Variants in SMURF1 observed in about 807,000 individuals in gnomAD.
SMURF1 encodes the protein E3 ubiquitin-protein ligase SMURF1.
Under a neutral mutation model 98.0 loss-of-function variants are expected in SMURF1, and 44 were observed. The observed-to-expected ratio is 0.45, with a 90% CI of 0.35 to 0.58. The LOEUF (loss-of-function observed/expected upper bound fraction) is 0.58. Among genes scored for constraint, SMURF1 ranks in the 20% least tolerant of loss-of-function variants. SMURF1 has a pLI of 0.00. For missense variants in SMURF1, 687 were observed against 938.4 expected (o/e 0.73, Z 3.50); for synonymous variants, 396 against 374.9 (o/e 1.06, Z -0.65).
intron 1 of SMURF1, chr7:99,120,496 CCT>C (rs957817285): frequency 6.6e-6 from 1 of 151,328 alleles, no homozygotes; most frequent in African/African-American, 2.4e-5. Context: ...ACCACCAAAT[CCT>C]CTCTCCTGAG....
At chr7:99,042,257 T>A in intron 11 of SMURF1, 25 bp from the exon 12 acceptor site, 1 of 1,508,744 alleles carries the variant, frequency 6.6e-7, no homozygotes, top group Non-Finnish European at 9.1e-7. Flanking sequence ...CAAAAATGCA[T>A]TTGAGACGCG....
intron 1 of SMURF1, among the ~76,000 whole-genome samples, chr7:99,136,160 G>T (rs1379656380): frequency 6.6e-6 from 1 of 152,190 alleles, no homozygotes; most frequent in African/African-American, 2.4e-5. Flanking sequence ...GTGTACTCTA[G>T]CCTAGCCTGG....
chr7:99,071,816 G>A (rs762702023), intron 1 of SMURF1, among the ~76,000 whole-genome samples: 1 of 152,082 alleles, frequency 6.6e-6, no homozygotes, highest in Non-Finnish European at 1.5e-5. Flanking sequence ...GCTCATGCCT[G>A]TAATCCCAGC....
At chr7:99,031,402 G>A (rs754291739) in intron 17 of SMURF1, 2 of 152,134 alleles carry the variant, frequency 1.3e-5, no homozygotes, top group African/African-American at 4.8e-5. Context: ...AGAAGCTATC[G>A]TAGCAAACCA....
intron 1 of SMURF1, among the ~76,000 whole-genome samples, chr7:99,087,316 T>C (rs910660059): frequency 6.6e-6 from 1 of 151,338 alleles, no homozygotes; most frequent in Non-Finnish European, 1.5e-5. Context: ...GCCCAGGAGG[T>C]CAAAGCTTCA....
chr7:99,133,359 C>T (rs552607674), intron 1 of SMURF1, among the ~76,000 whole-genome samples: 114 of 151,844 alleles, frequency 7.5e-4, no homozygotes, highest in African/African-American at 2.7e-3. Flanking sequence ...CTCCCATCTC[C>T]TGTGAATCTA....
intron 8 of SMURF1, chr7:99,050,682 A>T: frequency 2.5e-6 from 1 of 403,894 alleles, no homozygotes. Context: ...CACCTCATTC[A>T]TTTGCAGGTA....
chr7:99,099,503 G>A (rs1228448142), intron 1 of SMURF1, among the ~76,000 whole-genome samples: 1 of 152,102 alleles, frequency 6.6e-6, no homozygotes, highest in Admixed American at 6.5e-5. Flanking sequence ...CCAGGATAGG[G>A]GGGGAAATGC....
At position 99,122,750 on chromosome 7, in the gene SMURF1, T is replaced by C. The variant is rs1175578816; in HGVS notation, c.55+20976A>G. On this transcript the variant is annotated intron_variant, in intron 1 of 17. Coordinates refer to ENST00000361368, the MANE Select transcript of SMURF1 (RefSeq NM_181349.3). ...CAGGGCTTTTTTCTTTCTTTCTTTT[T>C]TTTTTTTTTTTTTTTTTTTACATAA... is the stretch of plus-strand genomic sequence containing the variant. 3.8e-4 allele frequency among the ~76,000 whole-genome samples: 49 copies of C among 130,096 alleles called. No individual in the cohort carries two copies. The East Asian group carries it at 7.7e-3, about 20-fold the overall frequency. 85.3% of individuals were successfully genotyped at this position (130,096 alleles called of 152,430 possible). A position where few individuals can be genotyped will look rare whatever the true frequency, so the allele number is the denominator to read the frequency against.
chr7:99,089,743 T>C (rs1189663874), intron 1 of SMURF1, among the ~76,000 whole-genome samples: 2 of 152,246 alleles, frequency 1.3e-5, no homozygotes, highest in African/African-American at 2.4e-5. Context: ...AAAATCATAT[T>C]GGAAAGTAAA....
In SMURF1 at chr7:99,047,914, G is replaced by A. The variant is rs373063036; in HGVS notation, c.954-32C>T. 3.9e-5 allele frequency: 62 copies of A among 1,606,310 alleles called. 1 individual carries two copies. Among genetic ancestry groups the A allele is most frequent in the South Asian group, 6.6e-5 (6 of 90,936 alleles). ...AAGAAGAGATGCAGAAAGTCACTCC[G>A]AAGCCCCGGCCAGGGGAGCTGCAAG... On this transcript the variant is annotated intron_variant, in intron 9 of 17. Transcript: ENST00000361368.
chr7:99,097,244 C>T (rs1327933864), intron 1 of SMURF1, among the ~76,000 whole-genome samples: 1 of 152,146 alleles, frequency 6.6e-6, no homozygotes, highest in Middle Eastern at 3.2e-3. Context: ...ATCATAAACT[C>T]TAACTTGAGC....
At chr7:99,038,872 T>G (rs780290261) in intron 13 of SMURF1, among the ~76,000 whole-genome samples, 6 of 152,024 alleles carry the variant, frequency 3.9e-5, no homozygotes, top group Non-Finnish European at 8.8e-5. Context: ...AAAGGGAAAT[T>G]GACCTGGAGA....
chr7:99,029,837 A>C lies in SMURF1; in HGVS notation c.*747T>G, dbSNP rs538410427. ...TGGTGTTTTCACTGAAAAAAAAGTC[A>C]AACTGGACAGATAATGCAGCAAAAG... is the stretch of plus-strand genomic sequence containing the variant. On this transcript the variant is annotated 3_prime_UTR_variant, in exon 18 of 18. Coordinates refer to ENST00000361368, the MANE Select transcript of SMURF1 (RefSeq NM_181349.3). 5 of 152,218 alleles carry C rather than the reference A, an allele frequency of 3.3e-5. No individual in the cohort carries two copies. The East Asian group carries it at 9.6e-4, about 29-fold the overall frequency. 9.4% of individuals were successfully genotyped at this position (152,218 alleles called of 1,614,324 possible). A position where few individuals can be genotyped will look rare whatever the true frequency, so the allele number is the denominator to read the frequency against.
chr7:99,128,631 G>T (rs1158970426), intron 1 of SMURF1, among the ~76,000 whole-genome samples: 1 of 152,130 alleles, frequency 6.6e-6, no homozygotes, highest in Non-Finnish European at 1.5e-5. Flanking sequence ...AAATTTTAGT[G>T]GAAAATCAAC....
Position 99,038,476 on chromosome 7 carries a change from T to G in SMURF1, c.1600A>C (p.Asn534His). 6.2e-7 allele frequency: 1 copy of G among 1,614,244 alleles called. No homozygotes were observed. Among genetic ancestry groups the G allele is most frequent in the Non-Finnish European group, 8.5e-7 (1 of 1,180,036 alleles). The change falls in exon 14 of 18, where the codon AAC becomes CAC. Residue 534 changes from asparagine (N) to histidine (H), a missense_variant. Physicochemically the swap from Asn to His is moderately conservative, Grantham distance 68. Coordinates refer to ENST00000361368, the MANE Select transcript of SMURF1 (RefSeq NM_181349.3). ...TGCTGCAGGATCCGCCCGAAGGCGT[T>G]GTGTTCCACGCAGAAGGTGTGGTCC... is the stretch of plus-strand genomic sequence containing the variant. ...VLDHTFCVEH[N>H]AFGRILQHEL...
chr7:99,119,899 T>C (rs1254570935), intron 1 of SMURF1, among the ~76,000 whole-genome samples: 3 of 152,198 alleles, frequency 2.0e-5, no homozygotes, highest in Non-Finnish European at 4.4e-5. Flanking sequence ...TCCCTAAAAA[T>C]TTGATGTATT....
intron 17 of SMURF1, among the ~76,000 whole-genome samples, chr7:99,031,677 C>T (rs1180227813): frequency 6.6e-6 from 1 of 152,178 alleles, no homozygotes; most frequent in East Asian, 1.9e-4. Context: ...ACCTTGGCAC[C>T]CACCATGGTC....
chr7:99,074,941 A>C (rs1419937539), intron 1 of SMURF1, among the ~76,000 whole-genome samples: 1 of 152,226 alleles, frequency 6.6e-6, no homozygotes, highest in Non-Finnish European at 1.5e-5. Flanking sequence ...ACAGAAAAAC[A>C]TGCTCAGTAT....
Sources: gnomAD v4.1 joint callset for allele counts (sites outside exome capture counted in the v4.1 genomes callset) on GRCh38, gnomAD v4.1.1 for gene constraint, MANE v1.5 for transcripts, NCBI Gene and HGNC (gene_info 2026-07-23, HGNC 2026-07-21) for gene names.